INSIG2: variants seen among roughly 807,000 people sequenced by gnomAD.
INSIG2 encodes insulin induced gene 2.
Under a neutral mutation model 27.2 loss-of-function variants are expected in INSIG2, and 10 were observed. The ratio of observed to expected loss-of-function variants is 0.37; its 90% confidence interval spans 0.23 to 0.62. INSIG2 has a LOEUF of 0.62. INSIG2 is among the 20% of genes least tolerant of loss of function. INSIG2 has a pLI of 0.65. For missense variants in INSIG2, 178 were observed against 270.2 expected, an observed-to-expected ratio of 0.66 and a Z score of 2.39; for synonymous variants, 97 against 95.8, an observed-to-expected ratio of 1.01 and a Z score of -0.07.
intron 1 of INSIG2, among the ~76,000 whole-genome samples, chr2:118,090,803 C>G (rs540527490): frequency 6.6e-6 from 1 of 152,176 alleles, no homozygotes; most frequent in Non-Finnish European, 1.5e-5. Flanking sequence ...GGAAGAACTC[C>G]GGACATGGGG....
intron 2 of INSIG2, among the ~76,000 whole-genome samples, chr2:118,100,925 T>C (rs1182541854): frequency 2.0e-5 from 3 of 152,184 alleles, no homozygotes; most frequent in Admixed American, 1.3e-4. Flanking sequence ...ACAAACTTCT[T>C]TAGTGTTTAG....
At chr2:118,091,971 A>G (rs781094785) in intron 1 of INSIG2, among the ~76,000 whole-genome samples, 12 of 152,224 alleles carry the variant, frequency 7.9e-5, no homozygotes, top group African/African-American at 2.9e-4. Flanking sequence ...CAATGCTTAG[A>G]ACAGTCTCAC....
chr2:118,096,537 C>A lies in INSIG2; in HGVS notation c.-20C>A. The A allele has an allele frequency of 6.4e-7, 1 of 1,570,020 alleles. No individual in the cohort carries two copies. Among genetic ancestry groups the A allele is most frequent in the Non-Finnish European group, 8.6e-7 (1 of 1,163,114 alleles). Reference sequence around the variant, plus strand: ...CTTTCCATTTTTTTTTTTTTAACGGCTTTCTGAACCTATGAAACCATGGCA... The same window carrying A: ...CTTTCCATTTTTTTTTTTTTAACGGATTTCTGAACCTATGAAACCATGGCA... On this transcript the variant is annotated 5_prime_UTR_variant, in exon 2 of 6. Transcript: ENST00000245787.
intron 1 of INSIG2, among the ~76,000 whole-genome samples, chr2:118,092,296 T>C (rs941018570): frequency 6.6e-5 from 10 of 152,316 alleles, no homozygotes; most frequent in Non-Finnish European, 1.0e-4. Context: ...AATGTTCTTA[T>C]ACAGAGTGTT....
intron 4 of INSIG2, 22 bp from the exon 5 acceptor site, chr2:118,107,068 A>C: frequency 6.5e-7 from 1 of 1,541,556 alleles, no homozygotes; most frequent in South Asian, 1.1e-5. Context: ...TGTGGGTATT[A>C]AAGACATGTC....
intron 3 of INSIG2, among the ~76,000 whole-genome samples, chr2:118,106,406 T>G (rs929823170): frequency 1.3e-5 from 2 of 152,260 alleles, no homozygotes; most frequent in African/African-American, 2.4e-5. Flanking sequence ...AGTTACATTT[T>G]TAGCAAAGAA....
Position 118,096,535 on chromosome 2 carries a change from G to A in INSIG2, c.-22G>A. On this transcript the variant is annotated 5_prime_UTR_variant, in exon 2 of 6. Coordinates refer to ENST00000245787, the MANE Select transcript of INSIG2 (RefSeq NM_016133.4). ...GCCTTTCCATTTTTTTTTTTTTAAC[G>A]GCTTTCTGAACCTATGAAACCATGG... 10 of 1,561,814 alleles carry A rather than the reference G, an allele frequency of 6.4e-6. No homozygotes were observed. Among genetic ancestry groups the A allele is most frequent in the South Asian group, 3.6e-5 (3 of 83,290 alleles).
intron 5 of INSIG2, 98 bp downstream of exon 5, chr2:118,107,287 A>G (rs1678697623): frequency 1.3e-6 from 1 of 742,404 alleles, no homozygotes; most frequent in Non-Finnish European, 2.3e-6. Context: ...TGAAGACAAC[A>G]TTCTTTGATT....
At position 118,096,510 on chromosome 2, in the gene INSIG2, G is replaced by T. The variant is rs754887879; in HGVS notation, c.-47G>T. On this transcript the variant is annotated 5_prime_UTR_variant, in exon 2 of 6. Transcript: ENST00000245787. The stretch of plus-strand genomic sequence containing the variant: ...GACAGTTGAGCTTTTCAGCTGGGAA[G>T]CCTTTCCATTTTTTTTTTTTTAACG... The T allele has an allele frequency of 1.0e-5, 16 of 1,550,520 alleles. No individual in the cohort carries two copies. The highest frequency in any genetic ancestry group is 1.4e-5 in the Non-Finnish European group (16 of 1,153,628).
intron 3 of INSIG2, among the ~76,000 whole-genome samples, chr2:118,104,778 C>T (rs1678633114): frequency 6.6e-6 from 1 of 152,144 alleles, no homozygotes; most frequent in Non-Finnish European, 1.5e-5. Context: ...TCCTCTCTGT[C>T]CGGTGGATTA....
At chr2:118,105,645 G>C (rs1678655560) in intron 3 of INSIG2, among the ~76,000 whole-genome samples, 1 of 152,216 alleles carries the variant, frequency 6.6e-6, no homozygotes, top group South Asian at 2.1e-4. Flanking sequence ...CAATAGTCCT[G>C]AGATTCTGAG....
chr2:118,092,299 A>C (rs1452308142), intron 1 of INSIG2, among the ~76,000 whole-genome samples: 2 of 152,204 alleles, frequency 1.3e-5, no homozygotes, highest in Non-Finnish European at 2.9e-5. Context: ...GTTCTTATAC[A>C]GAGTGTTAGT....
At chr2:118,107,250 G>A in intron 5 of INSIG2, 61 bp downstream of exon 5, 1 of 1,212,694 alleles carries the variant, frequency 8.2e-7, no homozygotes, top group Non-Finnish European at 1.2e-6. Context: ...TTCTCTAAAA[G>A]GCAGTCCTTT....
rs1558839026 is a variant in INSIG2 at position 118,109,599 on chromosome 2, GTA to G, written c.*1279_*1280del. 1.3e-5 allele frequency: 2 copies of G among 152,542 alleles called. No homozygotes were observed. The highest frequency in any genetic ancestry group is 2.9e-5 in the Non-Finnish European group (2 of 68,024). The allele number at this position is 152,542 out of a possible 1,614,324, so 9.4% of individuals were successfully genotyped here. A position where few individuals can be genotyped will look rare whatever the true frequency, so the allele number is the denominator to read the frequency against. On this transcript the variant is annotated 3_prime_UTR_variant, in exon 6 of 6. Coordinates refer to ENST00000245787, the MANE Select transcript of INSIG2 (RefSeq NM_016133.4). ...ATCTTCTGAGTACTCTGGGGTGTGA[GTA>G]TGTGTGCACACGTGTGTGTTGGAGT...
chr2:118,096,210 G>A (rs1558833635), intron 1 of INSIG2, among the ~76,000 whole-genome samples: 3 of 152,044 alleles, frequency 2.0e-5, no homozygotes, highest in Non-Finnish European at 4.4e-5. Flanking sequence ...TGTAAGGGTA[G>A]TACTTTATTT....
intron 4 of INSIG2, 28 bp downstream of exon 4, chr2:118,106,931 GC>G: frequency 1.2e-6 from 2 of 1,608,228 alleles, no homozygotes; most frequent in Non-Finnish European, 1.7e-6. Flanking sequence ...AATTTTTGGT[GC>G]TTGTTTGCTA....
chr2:118,105,127 G>A (rs185950454), intron 3 of INSIG2, among the ~76,000 whole-genome samples: 103 of 152,152 alleles, frequency 6.8e-4, no homozygotes, highest in Admixed American at 1.0e-3. Context: ...TGCAAGCTTC[G>A]CCTCCCGGGT....
intron 1 of INSIG2, among the ~76,000 whole-genome samples, chr2:118,091,538 C>T (rs1366689948): frequency 6.6e-6 from 1 of 152,132 alleles, no homozygotes; most frequent in Non-Finnish European, 1.5e-5. Flanking sequence ...GAAAAAAATG[C>T]ATATATATAC....
chr2:118,100,874 C>T (rs1222900329), intron 2 of INSIG2, among the ~76,000 whole-genome samples: 1 of 152,182 alleles, frequency 6.6e-6, no homozygotes. Flanking sequence ...TGCATTTAAG[C>T]ACATTCCCAT....
Sources: gnomAD v4.1 joint callset for allele counts (sites outside exome capture counted in the v4.1 genomes callset) on GRCh38, gnomAD v4.1.1 for gene constraint, MANE v1.5 for transcripts, NCBI Gene and HGNC (gene_info 2026-07-23, HGNC 2026-07-21) for gene names.